The following ANK3 variants were observed in gnomAD, a reference collection of about 807,000 sequenced individuals.
The protein encoded by ANK3 is ankyrin-3.
A neutral mutation model predicts 370.9 loss-of-function variants in ANK3; 57 were observed. That is an observed-to-expected ratio of 0.15 (90% CI 0.12 to 0.19). The LOEUF (loss-of-function observed/expected upper bound fraction) is 0.19, where lower values mean the gene tolerates loss of function less well. Among genes scored for constraint, ANK3 ranks in the 10% least tolerant of loss-of-function variants. The pLI is 1.00. For synonymous variants in ANK3, 1,929 were observed against 1,946.3 expected (o/e 0.99, Z 0.23); for missense variants, 4,439 against 5,302.1 (o/e 0.84, Z 5.06).
At chr10:60,315,303 T>A (rs1283531806) in intron 1 of ANK3, among the ~76,000 whole-genome samples, 1 of 152,196 alleles carries the variant, frequency 6.6e-6, no homozygotes, top group African/African-American at 2.4e-5. Flanking sequence ...TTTATGTAAA[T>A]TCTTCTTGAA....
rs571969153 is a variant in ANK3, at chr10:60,356,565, T to C, written c.114+32860A>G. 7.2e-5 allele frequency among the ~76,000 whole-genome samples: 11 copies of C among 152,302 alleles called. No individual in the cohort carries two copies. In the South Asian group the frequency reaches 2.3e-3, roughly 32 times the overall value. ...AGCTGGAGGTTAGAACACTTGCACA[T>C]TGGCCCCAGCTAAATGCTTTGGACT... On this transcript the variant is annotated intron_variant, in intron 1 of 43. Coordinates refer to ENST00000280772, the MANE Select transcript of ANK3 (RefSeq NM_020987.5).
intron 2 of ANK3, among the ~76,000 whole-genome samples, chr10:60,579,326 T>C (rs912588741): frequency 2.9e-5 from 2 of 69,022 alleles, no homozygotes; most frequent in African/African-American, 1.2e-4. Flanking sequence ...TCTCTCTCAA[T>C]AAAAAAAAAA....
chr10:60,720,494 T>G (rs1401699375), intron 1 of ANK3, among the ~76,000 whole-genome samples: 1 of 152,226 alleles, frequency 6.6e-6, no homozygotes, highest in African/African-American at 2.4e-5. Context: ...AAAGTAATTG[T>G]AGGTTTTGCA....
intron 24 of ANK3, among the ~76,000 whole-genome samples, chr10:60,136,728 T>C (rs917488310): frequency 4.6e-5 from 7 of 152,136 alleles, no homozygotes; most frequent in African/African-American, 9.7e-5. Flanking sequence ...ATGTCTAAAG[T>C]TCCTACTTCT....
chr10:60,224,111 G>A (rs917629190), intron 8 of ANK3, among the ~76,000 whole-genome samples: 5 of 152,040 alleles, frequency 3.3e-5, no homozygotes, highest in African/African-American at 9.7e-5. Context: ...AGGCAATTTC[G>A]GGGGATTGAG....
intron 1 of ANK3, among the ~76,000 whole-genome samples, chr10:60,638,626 A>C (rs1229962474): frequency 6.6e-6 from 1 of 152,164 alleles, no homozygotes; most frequent in Non-Finnish European, 1.5e-5. Context: ...TTAAAATATT[A>C]TAAATATTCT....
At chr10:60,247,295 G>A (rs1224213145) in intron 7 of ANK3, among the ~76,000 whole-genome samples, 1 of 152,106 alleles carries the variant, frequency 6.6e-6, no homozygotes, top group East Asian at 1.9e-4. Context: ...GGGATTACAG[G>A]TGTGAGCCAC....
intron 9 of ANK3, among the ~76,000 whole-genome samples, chr10:60,212,641 C>T (rs1019145972): frequency 1.3e-5 from 2 of 152,142 alleles, no homozygotes; most frequent in African/African-American, 4.8e-5. Flanking sequence ...CCTGTCTAGC[C>T]TTCCTAATAT....
At chr10:60,437,818 A>G (rs1233344060) in intron 2 of ANK3, among the ~76,000 whole-genome samples, 1 of 152,144 alleles carries the variant, frequency 6.6e-6, no homozygotes, top group African/African-American at 2.4e-5. Flanking sequence ...AACAGACTTA[A>G]AAGGATTAAG....
At chr10:60,218,538 T>A (rs10761468) in intron 8 of ANK3, among the ~76,000 whole-genome samples, 2 of 152,194 alleles carry the variant, frequency 1.3e-5, no homozygotes, top group African/African-American at 4.8e-5. Context: ...CCTTCACTTA[T>A]GAAGCTTAGT....
At position 60,086,899 on chromosome 10, in the gene ANK3, AGGACTTT is replaced by A; in HGVS notation, c.3541-22_3541-16del. The A allele has an allele frequency of 6.4e-7, 1 of 1,567,562 alleles. No individual in the cohort carries two copies. ...ACAGGCTGGGCCTAGAGACAGAGAA[AGGACTTT>A]AAATGAAAGTGACTTTTTTTTTTTT... is the stretch of plus-strand genomic sequence containing the variant. On this transcript the variant is annotated splice_polypyrimidine_tract_variant and intron_variant, in intron 29 of 43. Transcript: ENST00000280772.
chr10:60,729,177 T>G (rs1182734567), intron 1 of ANK3, among the ~76,000 whole-genome samples: 3 of 152,176 alleles, frequency 2.0e-5, no homozygotes, highest in Non-Finnish European at 4.4e-5. Context: ...CAAACATTAA[T>G]TGGAGTTAAT....
At position 60,069,497 on chromosome 10, in the gene ANK3, G is replaced by C; in HGVS notation, c.11384C>G (p.Ser3795Cys). ...NFNNNNNLDS[S>C]TIQTDNIMSN... is the part of the protein sequence containing the mutation. ...CATAATGTTATCTGTCTGTATAGTGGAAGAATCCAAATTGTTGTTGTTATT... is the reference window on the plus strand; with the variant it reads ...CATAATGTTATCTGTCTGTATAGTGCAAGAATCCAAATTGTTGTTGTTATT... The change falls in exon 37 of 44, where the codon TCC becomes TGC. Residue 3795 changes from serine to cysteine, a missense_variant. Physicochemically the swap from Ser to Cys is moderately radical, Grantham distance 112. Around this residue, in one of 13 missense-constraint regions of ANK3, gnomAD observed 496 missense variants for 529.3 expected, o/e 0.94. Transcript: ENST00000280772. 6.2e-7 allele frequency: 1 copy of C among 1,613,808 alleles called. No homozygotes were observed. The highest frequency in any genetic ancestry group is 1.7e-5 in the Admixed American group (1 of 59,970).
At chr10:60,477,610 A>C (rs1189486228) in intron 2 of ANK3, among the ~76,000 whole-genome samples, 1 of 151,796 alleles carries the variant, frequency 6.6e-6, no homozygotes, top group East Asian at 1.9e-4. Context: ...GGCTATTAAA[A>C]CCAACAAGCA....
chr10:60,311,790 G>T (rs2046411944), intron 1 of ANK3, among the ~76,000 whole-genome samples: 1 of 152,124 alleles, frequency 6.6e-6, no homozygotes, highest in Non-Finnish European at 1.5e-5. Flanking sequence ...CTTATCAATA[G>T]GTCACAGAAT....
Position 60,176,310 on chromosome 10 carries a change from A to G in ANK3, c.2185-3124T>C, listed in dbSNP as rs1360517080. 2.0e-5 allele frequency among the ~76,000 whole-genome samples: 3 copies of G among 147,010 alleles called. No individual in the cohort carries two copies. The East Asian group carries it at 6.0e-4, about 29-fold the overall frequency. On this transcript the variant is annotated intron_variant, in intron 18 of 43. Coordinates refer to ENST00000280772, the MANE Select transcript of ANK3 (RefSeq NM_020987.5). ...AACCTGGGAAGCTGATGCTGCAGTG[A>G]GCCATGATCATGCCCATGTACTCCA... is the stretch of plus-strand genomic sequence containing the variant.
chr10:60,400,496 A>G (rs2063331574), intron 2 of ANK3, among the ~76,000 whole-genome samples: 1 of 152,170 alleles, frequency 6.6e-6, no homozygotes, highest in South Asian at 2.1e-4. Context: ...TAACTACTGC[A>G]TTTCATGATA....
At chr10:60,128,087 T>C (rs913948606) in intron 25 of ANK3, among the ~76,000 whole-genome samples, 23 of 152,158 alleles carry the variant, frequency 1.5e-4, no homozygotes, top group Non-Finnish European at 2.8e-4. Flanking sequence ...GGATTAGAAA[T>C]AAACGTTAAC....
intron 1 of ANK3, among the ~76,000 whole-genome samples, chr10:60,692,605 G>T (rs1281373564): frequency 6.6e-6 from 1 of 152,076 alleles, no homozygotes; most frequent in African/African-American, 2.4e-5. Context: ...TTTTTCTAGG[G>T]TGCGTGGCCT....
Sources: allele counts gnomAD v4.1 joint callset (sites outside exome capture counted in the v4.1 genomes callset), GRCh38; gene constraint gnomAD v4.1.1; regional missense constraint gnomAD v4.1.1; transcripts MANE v1.5; gene names NCBI Gene and HGNC (gene_info 2026-07-23, HGNC 2026-07-21).